The following CCSER1 variants were observed in gnomAD, a reference collection of about 807,000 sequenced individuals.
CCSER1 encodes the protein serine-rich coiled-coil domain-containing protein 1.
A neutral mutation model predicts 82.0 loss-of-function variants in CCSER1; 41 were observed. The observed-to-expected ratio is 0.50, with a 90% CI of 0.39 to 0.65. The LOEUF is 0.65. CCSER1 is among the 30% of genes least tolerant of loss of function. The probability of loss-of-function intolerance (pLI) is 0.00; values close to 1 mark genes in which losing one functional copy is unlikely to be tolerated. For synonymous variants in CCSER1, 414 were observed against 383.9 expected (o/e 1.08, Z -0.92); for missense variants, 1,119 against 1,064.2 (o/e 1.05, Z -0.72).
chr4:90,957,361 A>G (rs1000385967), intron 9 of CCSER1, among the ~76,000 whole-genome samples: 1 of 147,440 alleles, frequency 6.8e-6, no homozygotes, highest in African/African-American at 2.5e-5. Flanking sequence ...TGGCCTCCCA[A>G]AATGCTGGGA....
intron 1 of CCSER1, among the ~76,000 whole-genome samples, chr4:90,168,941 A>G (rs1731069693): frequency 6.6e-6 from 1 of 151,558 alleles, no homozygotes; most frequent in Non-Finnish European, 1.5e-5. Flanking sequence ...TTGGCTTAGG[A>G]TTGACGTGGT....
At chr4:90,651,388 A>G (rs1184051701) in intron 6 of CCSER1, among the ~76,000 whole-genome samples, 1 of 152,188 alleles carries the variant, frequency 6.6e-6, no homozygotes, top group East Asian at 1.9e-4. Flanking sequence ...GTCCTTTGCC[A>G]GGGATATGGA....
At chr4:91,180,830 A>G (rs1029306143) in intron 10 of CCSER1, among the ~76,000 whole-genome samples, 2 of 152,248 alleles carry the variant, frequency 1.3e-5, no homozygotes, top group African/African-American at 2.4e-5. Flanking sequence ...ATTTACCCAC[A>G]TATTTATTAA....
chr4:90,308,785 C>T lies in CCSER1; in HGVS notation c.501C>T (p.Asp167=), dbSNP rs781158257. ...GGGATGATTCTGGTTTCACAGAAGA[C>T]CAAACTCGTCGTTCTGTTAAGCAGT... ...SEGDDSGFTE[D]QTRRSVKQST... is the part of the protein sequence containing the mutation. The change falls in exon 2 of 11, where the codon GAC becomes GAT. Residue 167 remains aspartate (D), a synonymous_variant. Coordinates refer to ENST00000509176, the MANE Select transcript of CCSER1 (RefSeq NM_001145065.2). 1.2e-6 allele frequency: 2 copies of T among 1,613,768 alleles called. No individual in the cohort carries two copies. Among genetic ancestry groups the T allele is most frequent in the Non-Finnish European group, 1.7e-6 (2 of 1,179,842 alleles).
intron 9 of CCSER1, among the ~76,000 whole-genome samples, chr4:91,019,058 T>C (rs1739689927): frequency 6.6e-6 from 1 of 152,018 alleles, no homozygotes; most frequent in East Asian, 1.9e-4. Flanking sequence ...CAATAAGTGG[T>C]CATTAAATGA....
rs952203377 is a variant in CCSER1, at chr4:91,436,101, G to A, written c.2218-162471G>A. Reference sequence around the variant, plus strand: ...GTAGTTACATTATATTATTAGGTTGGTTCAAACATTATTGTGGTTTTTGCT... The same window carrying A: ...GTAGTTACATTATATTATTAGGTTGATTCAAACATTATTGTGGTTTTTGCT... On this transcript the variant is annotated intron_variant, in intron 10 of 10. Coordinates refer to ENST00000509176, the MANE Select transcript of CCSER1 (RefSeq NM_001145065.2). 3.3e-5 allele frequency among the ~76,000 whole-genome samples: 5 copies of A among 152,132 alleles called. No homozygotes were observed. The South Asian group carries it at 1.0e-3, about 32-fold the overall frequency.
At chr4:90,609,373 T>C (rs1785155276) in intron 5 of CCSER1, among the ~76,000 whole-genome samples, 1 of 152,178 alleles carries the variant, frequency 6.6e-6, no homozygotes, top group African/African-American at 2.4e-5. Flanking sequence ...ATGTCAGTTG[T>C]ATTCATATTT....
chr4:90,862,866 C>T (rs1311183171), intron 8 of CCSER1, among the ~76,000 whole-genome samples: 2 of 149,758 alleles, frequency 1.3e-5, no homozygotes, highest in Non-Finnish European at 3.0e-5. Context: ...TCAGAAAACC[C>T]GTATTACAGA....
At chr4:90,645,982 A>T (rs1470452388) in intron 6 of CCSER1, among the ~76,000 whole-genome samples, 1 of 152,208 alleles carries the variant, frequency 6.6e-6, no homozygotes, top group East Asian at 1.9e-4. Flanking sequence ...AAGACTATGT[A>T]TCTTACTGAC....
At chr4:90,479,813 T>C (rs896919150) in intron 5 of CCSER1, among the ~76,000 whole-genome samples, 2 of 152,196 alleles carry the variant, frequency 1.3e-5, no homozygotes, top group Non-Finnish European at 2.9e-5. Flanking sequence ...TCTTTGCTAT[T>C]GTGAATAGTG....
chr4:91,442,909 A>G (rs1755283192), intron 10 of CCSER1, among the ~76,000 whole-genome samples: 1 of 152,266 alleles, frequency 6.6e-6, no homozygotes, highest in Admixed American at 6.5e-5. Flanking sequence ...AATGCAAATC[A>G]AAACCGCAGT....
chr4:90,902,518 C>G (rs1458499438), intron 8 of CCSER1, among the ~76,000 whole-genome samples: 1 of 151,716 alleles, frequency 6.6e-6, no homozygotes, highest in Non-Finnish European at 1.5e-5. Flanking sequence ...TGTATGTTTT[C>G]TATGATATTT....
rs140738495 is a variant in CCSER1, at chr4:90,320,988, C to T, written c.1509+7941C>T. ...CATGTGATATTTTGATACAGGAATG[C>T]AATTTATATTAATACTAATCACATC... On this transcript the variant is annotated intron_variant, in intron 3 of 10. Coordinates refer to ENST00000509176, the MANE Select transcript of CCSER1 (RefSeq NM_001145065.2). Among the ~76,000 whole-genome samples the T allele has an allele frequency of 3.6e-3, 554 of 152,114 alleles. 4 individuals are homozygous for T. Among genetic ancestry groups the T allele is most frequent in the African/African-American group, 0.013 (534 of 41,518 alleles).
intron 1 of CCSER1, among the ~76,000 whole-genome samples, chr4:90,138,170 ACTT>A (rs1201232384): frequency 6.6e-5 from 10 of 152,152 alleles, no homozygotes; most frequent in Non-Finnish European, 1.5e-4. Context: ...ATGCACTACT[ACTT>A]AAGAGTGACG....
intron 5 of CCSER1, among the ~76,000 whole-genome samples, chr4:90,529,771 T>G (rs1415477887): frequency 6.6e-6 from 1 of 152,046 alleles, no homozygotes; most frequent in East Asian, 1.9e-4. Context: ...AGCTCCTCTA[T>G]TAAGAGTTCT....
chr4:91,079,339 A>G (rs576627417), intron 9 of CCSER1, among the ~76,000 whole-genome samples: 15 of 152,322 alleles, frequency 9.8e-5, no homozygotes, highest in African/African-American at 3.6e-4. Context: ...TCATAAGGGA[A>G]GGAGAAATAA....
At chr4:90,808,930 A>G (rs1420165016) in intron 7 of CCSER1, among the ~76,000 whole-genome samples, 1 of 152,206 alleles carries the variant, frequency 6.6e-6, no homozygotes, top group East Asian at 1.9e-4. Flanking sequence ...TCAAAAAGAC[A>G]TGTGCATGCA....
At chr4:90,482,064 A>T (rs910919151) in intron 5 of CCSER1, among the ~76,000 whole-genome samples, 2 of 152,170 alleles carry the variant, frequency 1.3e-5, no homozygotes, top group Non-Finnish European at 2.9e-5. Context: ...TTATTAGTCT[A>T]TTCAGAGATT....
intron 10 of CCSER1, among the ~76,000 whole-genome samples, chr4:91,289,945 G>C (rs1429550483): frequency 6.6e-6 from 1 of 151,874 alleles, no homozygotes; most frequent in African/African-American, 2.4e-5. Flanking sequence ...TAGAAAATCA[G>C]ACAAGAAAAA....
Sources: allele counts gnomAD v4.1 joint callset (sites outside exome capture counted in the v4.1 genomes callset), GRCh38; gene constraint gnomAD v4.1.1; transcripts MANE v1.5; gene names NCBI Gene and HGNC (gene_info 2026-07-23, HGNC 2026-07-21).